The following SDK1 variants were observed in gnomAD, a reference collection of about 807,000 sequenced individuals.
The protein encoded by SDK1 is sidekick cell adhesion molecule 1, also known as protein sidekick-1.
Under a neutral mutation model 245.5 loss-of-function variants are expected in SDK1, and 157 were observed. The ratio of observed to expected loss-of-function variants is 0.64; its 90% CI spans 0.56 to 0.73. The LOEUF (loss-of-function observed/expected upper bound fraction) is 0.73, where lower values mean the gene tolerates loss of function less well. Among genes scored for constraint, SDK1 ranks in the 30% least tolerant of loss-of-function variants. SDK1 has a pLI of 0.00. For missense variants in SDK1, 3,583 were observed against 3,002.3 expected (o/e 1.19, Z -4.52); for synonymous variants, 1,647 against 1,278.5 (o/e 1.29, Z -6.15).
intron 4 of SDK1, 108 bp downstream of exon 4, chr7:3,642,213 C>A: frequency 9.7e-7 from 1 of 1,029,384 alleles, no homozygotes; most frequent in Non-Finnish European, 1.4e-6. Flanking sequence ...TTAAAAAGAG[C>A]AAACTAGTCT....
At position 3,365,226 on chromosome 7, in the gene SDK1, T is replaced by A. The variant is rs111616424; in HGVS notation, c.298+63342T>A. Among the ~76,000 whole-genome samples the A allele has an allele frequency of 4.3e-3, 654 of 152,302 alleles. 2 individuals carry two copies. The highest frequency in any genetic ancestry group is 7.5e-3 in the Non-Finnish European group (508 of 68,022). ...CAGGAGTAGATTGTTTGCTAGAGAATGGTGGTAGTGGACATGTGTCTCAAT... is the reference window on the plus strand; with the variant it reads ...CAGGAGTAGATTGTTTGCTAGAGAAAGGTGGTAGTGGACATGTGTCTCAAT... On this transcript the variant is annotated intron_variant, in intron 1 of 44. Transcript: ENST00000404826.
At chr7:3,942,994 C>G (rs1038297853) in intron 5 of SDK1, among the ~76,000 whole-genome samples, 1 of 152,150 alleles carries the variant, frequency 6.6e-6, no homozygotes, top group Non-Finnish European at 1.5e-5. Flanking sequence ...AGCCTGGCCA[C>G]GTGCGGGGAA....
rs185360317 is a variant in SDK1, at chr7:3,453,117, T to A, written c.298+151233T>A. The stretch of plus-strand genomic sequence containing the variant: ...CCATCCTGCCACTGGTGTCTAGAAC[T>A]TTGAGCAGTTTAACCCCCCCCGGTT... On this transcript the variant is annotated intron_variant, in intron 1 of 44. Coordinates refer to ENST00000404826, the MANE Select transcript of SDK1 (RefSeq NM_152744.4). Among the ~76,000 whole-genome samples, 636 of 152,126 alleles carry A rather than the reference T, an allele frequency of 4.2e-3. 7 individuals carry two copies. Among genetic ancestry groups the A allele is most frequent in the South Asian group, 0.018 (86 of 4,812 alleles).
At chr7:3,341,423 T>C (rs927647300) in intron 1 of SDK1, among the ~76,000 whole-genome samples, 1 of 152,206 alleles carries the variant, frequency 6.6e-6, no homozygotes, top group Non-Finnish European at 1.5e-5. Context: ...ATGGAATGTC[T>C]TTCCTCTCAG....
At chr7:3,831,191 C>G (rs1030489910) in intron 5 of SDK1, among the ~76,000 whole-genome samples, 126 of 152,202 alleles carry the variant, frequency 8.3e-4, no homozygotes, top group African/African-American at 2.9e-3. Context: ...GGTTATTGGC[C>G]GAGATGAGAC....
At position 4,174,172 on chromosome 7, in the gene SDK1, A is replaced by G. The variant is rs762168371; in HGVS notation, c.4801-50A>G. ...GTGGAGGTGAGCCCTGCTGCAGGCC[A>G]GCTGGGTTGACTCCCATGGTGTGGC... On this transcript the variant is annotated intron_variant, in intron 32 of 44. Coordinates refer to ENST00000404826, the MANE Select transcript of SDK1 (RefSeq NM_152744.4). The G allele has an allele frequency of 6.2e-6, 10 of 1,606,252 alleles. No homozygotes were observed. The East Asian group carries it at 2.2e-4, about 36-fold the overall frequency.
At chr7:3,912,325 AAG>A (rs978548699) in intron 5 of SDK1, among the ~76,000 whole-genome samples, 1 of 152,162 alleles carries the variant, frequency 6.6e-6, no homozygotes, top group Non-Finnish European at 1.5e-5. Context: ...GAACTCTGAG[AAG>A]AGAGAGTTCC....
intron 1 of SDK1, among the ~76,000 whole-genome samples, chr7:3,349,740 C>T (rs1013408631): frequency 3.3e-5 from 5 of 151,644 alleles, no homozygotes; most frequent in South Asian, 2.1e-4. Flanking sequence ...GCTGGGCCTA[C>T]AGGCACCTGC....
intron 4 of SDK1, among the ~76,000 whole-genome samples, chr7:3,813,352 A>G (rs1384421776): frequency 6.8e-6 from 1 of 146,658 alleles, no homozygotes; most frequent in African/African-American, 2.5e-5. Flanking sequence ...ATGAGTGAGA[A>G]TAGGCGGTGT....
chr7:3,588,420 A>G (rs903365464), intron 1 of SDK1, among the ~76,000 whole-genome samples: 1 of 152,246 alleles, frequency 6.6e-6, no homozygotes, highest in African/African-American at 2.4e-5. Flanking sequence ...GAAACAAAAA[A>G]CAACAGACAC....
chr7:3,908,403 A>G (rs1779035416), intron 5 of SDK1, among the ~76,000 whole-genome samples: 1 of 152,184 alleles, frequency 6.6e-6, no homozygotes, highest in Admixed American at 6.5e-5. Context: ...GTGTCCCGAC[A>G]GCGTCGACAC....
intron 1 of SDK1, among the ~76,000 whole-genome samples, chr7:3,525,194 C>G (rs978236313): frequency 6.6e-6 from 1 of 151,914 alleles, no homozygotes; most frequent in Non-Finnish European, 1.5e-5. Context: ...TTTGGGTATT[C>G]TTGGTGGGCC....
chr7:3,942,147 C>CCAT lies in SDK1; in HGVS notation c.848-8775_848-8774insATC, dbSNP rs1244253744. On this transcript the variant is annotated intron_variant, in intron 5 of 44. Coordinates refer to ENST00000404826, the MANE Select transcript of SDK1 (RefSeq NM_152744.4). ...GGTCTCGATCTCCTGACCTCATGAT[C>CCAT]CGCCCACCCAAGCCTCCCAAAGTGC... Among the ~76,000 whole-genome samples, 3 of 152,174 alleles carry CCAT rather than the reference C, an allele frequency of 2.0e-5. No individual in the cohort carries two copies. In the East Asian group the frequency reaches 5.8e-4, roughly 29 times the overall value.
chr7:3,403,704 C>CT (rs1240850923), intron 1 of SDK1, among the ~76,000 whole-genome samples: 1 of 150,634 alleles, frequency 6.6e-6, no homozygotes, highest in East Asian at 2.0e-4. Flanking sequence ...AGAGAATAGT[C>CT]TATTTCCATG....
At chr7:3,477,044 C>A (rs578079796) in intron 1 of SDK1, among the ~76,000 whole-genome samples, 194 of 152,264 alleles carry the variant, frequency 1.3e-3, no homozygotes, top group African/African-American at 4.5e-3. Flanking sequence ...TGGAACAAGA[C>A]TGATCAAATG....
chr7:3,754,821 G>A (rs1217338207), intron 4 of SDK1, among the ~76,000 whole-genome samples: 2 of 152,206 alleles, frequency 1.3e-5, no homozygotes, highest in Admixed American at 6.5e-5. Context: ...GATGGCGTTA[G>A]TTAGGGGAAT....
intron 1 of SDK1, among the ~76,000 whole-genome samples, chr7:3,497,262 TC>T (rs1782053090): frequency 6.6e-6 from 1 of 152,194 alleles, no homozygotes; most frequent in East Asian, 1.9e-4. Context: ...AGGTAGGCAT[TC>T]CCAGGGCTAA....
chr7:3,950,514 T>C (rs1274285429), intron 5 of SDK1, among the ~76,000 whole-genome samples: 1 of 152,200 alleles, frequency 6.6e-6, no homozygotes, highest in Non-Finnish European at 1.5e-5. Context: ...GTTATCATTG[T>C]TCTGTTTCAT....
At chr7:3,950,346 T>A (rs1780753353) in intron 5 of SDK1, among the ~76,000 whole-genome samples, 2 of 152,222 alleles carry the variant, frequency 1.3e-5, no homozygotes, top group South Asian at 4.1e-4. Flanking sequence ...AGTCTTCATT[T>A]GTCATGCTCC....
Sources: gnomAD v4.1 joint callset for allele counts (sites outside exome capture counted in the v4.1 genomes callset) on GRCh38, gnomAD v4.1.1 for gene constraint, MANE v1.5 for transcripts, NCBI Gene and HGNC (gene_info 2026-07-23, HGNC 2026-07-21) for gene names.